FNDC3B: variants seen among roughly 807,000 people sequenced by gnomAD.
The protein encoded by FNDC3B is fibronectin type III domain containing 3B, also known as fibronectin type III domain-containing protein 3B.
Under a neutral mutation model 151.5 loss-of-function variants are expected in FNDC3B, and 12 were observed. The ratio of observed to expected loss-of-function variants is 0.08; its 90% confidence interval spans 0.05 to 0.13. FNDC3B has a LOEUF of 0.13. Ranked by LOEUF, FNDC3B falls within the 10% of genes least tolerant of loss-of-function variation. The pLI, the probability that FNDC3B is intolerant of heterozygous loss-of-function variation, is 1.00. For missense variants in FNDC3B, 1,214 were observed against 1,505.3 expected, an observed-to-expected ratio of 0.81 and a Z score of 3.20; for synonymous variants, 528 against 549.0, an observed-to-expected ratio of 0.96 and a Z score of 0.54.
At chr3:172,065,236 G>T (rs934138117) in intron 1 of FNDC3B, among the ~76,000 whole-genome samples, 1 of 152,326 alleles carries the variant, frequency 6.6e-6, no homozygotes, top group Admixed American at 6.5e-5. Context: ...GGAGTCTGAG[G>T]CAGGAGAATT....
intron 6 of FNDC3B, among the ~76,000 whole-genome samples, chr3:172,282,392 C>T (rs76598650): frequency 0.013 from 1,936 of 152,198 alleles, 36 homozygotes; most frequent in African/African-American, 0.043. Context: ...CTTGGTACCA[C>T]GTTTCTCCTA....
chr3:172,361,245 C>T (rs946342836), intron 22 of FNDC3B, among the ~76,000 whole-genome samples: 1 of 152,194 alleles, frequency 6.6e-6, no homozygotes, highest in Non-Finnish European at 1.5e-5. Context: ...TGATTCTTCT[C>T]CTGAAAGTAC....
intron 6 of FNDC3B, among the ~76,000 whole-genome samples, chr3:172,268,547 G>A (rs1261571263): frequency 1.3e-5 from 2 of 152,270 alleles, no homozygotes; most frequent in African/African-American, 4.8e-5. Context: ...ATGACACTCT[G>A]TACATGGGAA....
At chr3:172,390,580 C>G (rs1735959164) in intron 25 of FNDC3B, among the ~76,000 whole-genome samples, 1 of 151,344 alleles carries the variant, frequency 6.6e-6, no homozygotes, top group South Asian at 2.1e-4. Context: ...TTGTCTTGAA[C>G]TCCTAACCTC....
chr3:172,369,252 A>C (rs924581808), intron 23 of FNDC3B, among the ~76,000 whole-genome samples: 3 of 152,220 alleles, frequency 2.0e-5, no homozygotes, highest in African/African-American at 7.2e-5. Context: ...TTTCAGGTTG[A>C]AACAAGGCCA....
chr3:172,296,801 G>A (rs1246985117), intron 8 of FNDC3B, among the ~76,000 whole-genome samples: 1 of 152,184 alleles, frequency 6.6e-6, no homozygotes, highest in Admixed American at 6.5e-5. Flanking sequence ...TTCCTTGTCA[G>A]CCACATGCAG....
At chr3:172,251,587 A>G in intron 6 of FNDC3B, 46 bp downstream of exon 6, 2 of 1,520,974 alleles carry the variant, frequency 1.3e-6, no homozygotes. Context: ...CAAGACAGAG[A>G]CATCTCAAAT....
At chr3:172,125,263 C>T (rs575027733) in intron 2 of FNDC3B, among the ~76,000 whole-genome samples, 9 of 152,318 alleles carry the variant, frequency 5.9e-5, no homozygotes, top group Admixed American at 2.6e-4. Flanking sequence ...GTGGTAGTGT[C>T]GGAAGGCCTG....
At chr3:172,046,234 G>GAT (rs1259793344) in intron 1 of FNDC3B, among the ~76,000 whole-genome samples, 7 of 152,182 alleles carry the variant, frequency 4.6e-5, no homozygotes, top group Non-Finnish European at 1.0e-4. Flanking sequence ...CCCCAGTTAA[G>GAT]ATATGCAAGT....
intron 1 of FNDC3B, among the ~76,000 whole-genome samples, chr3:172,042,079 T>TA (rs77399297): frequency 0.17 from 25,943 of 152,008 alleles, 2,444 homozygotes; most frequent in East Asian, 0.32. Flanking sequence ...TACTTTAAGA[T>TA]AAAAAAAATT....
At position 172,337,377 on chromosome 3, in the gene FNDC3B, G is replaced by A. The variant is rs1184401738; in HGVS notation, c.1828G>A (p.Glu610Lys). The A allele has an allele frequency of 6.2e-7, 1 of 1,612,690 alleles. No homozygotes were observed. The highest frequency in any genetic ancestry group is 8.5e-7 in the Non-Finnish European group (1 of 1,178,900). ...TTCAGAAATCCTCAAGTACTTGCTAGAGATTACTGATGGAAATTCTGAAGG... is the reference window on the plus strand; with the variant it reads ...TTCAGAAATCCTCAAGTACTTGCTAAAGATTACTGATGGAAATTCTGAAGG... ...GGSEILKYLL[E>K]ITDGNSEANQ... Residue 610 changes from glutamate (E) to lysine (K), a missense_variant, in exon 16 of 26, where the codon GAG becomes AAG. Coordinates refer to ENST00000415807, the MANE Select transcript of FNDC3B (RefSeq NM_022763.4).
At chr3:172,045,829 A>G (rs957575001) in intron 1 of FNDC3B, among the ~76,000 whole-genome samples, 9 of 151,516 alleles carry the variant, frequency 5.9e-5, no homozygotes, top group Admixed American at 4.6e-4. Flanking sequence ...TAAAATATAT[A>G]TTATGGTTAT....
chr3:172,224,536 C>T (rs567977311), intron 3 of FNDC3B, among the ~76,000 whole-genome samples: 29 of 152,290 alleles, frequency 1.9e-4, no homozygotes, highest in African/African-American at 7.0e-4. Flanking sequence ...TTCCCTGCTC[C>T]TGTTTTTTTT....
chr3:172,186,766 C>T (rs1724207470), intron 3 of FNDC3B: 2 of 701,824 alleles, frequency 2.8e-6, no homozygotes, highest in Non-Finnish European at 5.2e-6. Flanking sequence ...AGCTTTTTCC[C>T]CCTTACCTTG....
At chr3:172,340,686 A>C (rs1462945369) in intron 16 of FNDC3B, among the ~76,000 whole-genome samples, 3 of 152,132 alleles carry the variant, frequency 2.0e-5, no homozygotes, top group African/African-American at 7.2e-5. Flanking sequence ...AACAGGGAGA[A>C]ATTCTTGCGT....
At chr3:172,385,563 CT>C (rs11293866) in intron 25 of FNDC3B, among the ~76,000 whole-genome samples, 16,010 of 140,850 alleles carry the variant, frequency 0.11, 891 homozygotes, top group African/African-American at 0.2. Context: ...GACCTTTTTT[CT>C]TTTTTTTTTT....
At position 172,397,451 on chromosome 3, in the gene FNDC3B, A is replaced by G. The variant is rs2108402180; in HGVS notation, c.3591A>G (p.Ile1197Met). The change falls in exon 26 of 26, where the codon ATA becomes ATG. Residue 1197 changes from isoleucine (I) to methionine (M), a missense_variant. Transcript: ENST00000415807. The stretch of plus-strand genomic sequence containing the variant: ...CTTTGTCCATTTTATTTGCCTTTAT[A>G]TTACAGTACTTCTTAATGAAGTAAA... Reference protein sequence around the residue: ...FATLSILFAFILQYFLMK With the variant: ...FATLSILFAFMLQYFLMK 2.5e-6 allele frequency: 4 copies of G among 1,606,328 alleles called. No individual in the cohort carries two copies. The highest frequency in any genetic ancestry group is 3.4e-6 in the Non-Finnish European group (4 of 1,176,630).
chr3:172,115,646 G>A (rs1476659436), intron 2 of FNDC3B, among the ~76,000 whole-genome samples: 1 of 152,164 alleles, frequency 6.6e-6, no homozygotes, highest in Non-Finnish European at 1.5e-5. Flanking sequence ...TGCAGGCACA[G>A]GATTGACTCT....
intron 21 of FNDC3B, 56 bp downstream of exon 21, chr3:172,347,417 C>G: frequency 4.9e-6 from 7 of 1,417,568 alleles, no homozygotes; most frequent in Non-Finnish European, 6.6e-6. Context: ...ATGAAAGGCA[C>G]TTTGGGAAAC....
Sources: allele counts gnomAD v4.1 joint callset (sites outside exome capture counted in the v4.1 genomes callset), GRCh38; gene constraint gnomAD v4.1.1; transcripts MANE v1.5; gene names NCBI Gene and HGNC (gene_info 2026-07-23, HGNC 2026-07-21).